EBF2: variants seen among roughly 807,000 people sequenced by gnomAD.
The protein encoded by EBF2 is EBF transcription factor 2.
EBF2 carries 21 observed loss-of-function variants against 72.8 expected under a neutral mutation model. The observed-to-expected ratio is 0.29, with a 90% confidence interval of 0.20 to 0.42. The LOEUF (loss-of-function observed/expected upper bound fraction) is 0.42, where lower values mean the gene tolerates loss of function less well. Ranked by LOEUF, EBF2 falls within the 10% of genes least tolerant of loss-of-function variation. The pLI is 1.00. For missense variants in EBF2, 637 were observed against 731.2 expected (o/e 0.87, Z 1.49); for synonymous variants, 299 against 274.2 (o/e 1.09, Z -0.89).
chr8:25,871,328 C>A (rs568467246), intron 10 of EBF2, among the ~76,000 whole-genome samples: 1 of 152,298 alleles, frequency 6.6e-6, no homozygotes, highest in African/African-American at 2.4e-5. Flanking sequence ...TACAACCTTG[C>A]CTACCACATG....
intron 7 of EBF2, among the ~76,000 whole-genome samples, chr8:25,894,537 C>T (rs180829201): frequency 2.8e-4 from 43 of 152,288 alleles, no homozygotes; most frequent in Admixed American, 1.3e-3. Flanking sequence ...TCCTGAAACA[C>T]CTCACTCCAT....
At chr8:25,945,869 A>G (rs1803760952) in intron 6 of EBF2, among the ~76,000 whole-genome samples, 2 of 151,988 alleles carry the variant, frequency 1.3e-5, no homozygotes, top group Admixed American at 6.6e-5. Context: ...ACCTATTGAA[A>G]CGGTCTTTCA....
intron 2 of EBF2, 43 bp downstream of exon 2, chr8:26,042,052 G>A (rs774589574): frequency 2.5e-6 from 4 of 1,601,424 alleles, no homozygotes; most frequent in Non-Finnish European, 3.4e-6. Flanking sequence ...TTCGCAAGAG[G>A]GAGTTATTAG....
At chr8:26,039,255 T>TG (rs11400252) in intron 5 of EBF2, among the ~76,000 whole-genome samples, 5,477 of 149,358 alleles carry the variant, frequency 0.037, 312 homozygotes, top group African/African-American at 0.12. Flanking sequence ...AAAAAAAGGG[T>TG]GGGGGGGGAA....
chr8:25,948,291 C>A (rs1359781134), intron 6 of EBF2, among the ~76,000 whole-genome samples: 4 of 152,236 alleles, frequency 2.6e-5, no homozygotes, highest in Non-Finnish European at 5.9e-5. Flanking sequence ...AATGAAAACT[C>A]TAACTTGTTA....
intron 6 of EBF2, among the ~76,000 whole-genome samples, chr8:25,962,698 G>C (rs1804054142): frequency 6.6e-6 from 1 of 152,120 alleles, no homozygotes; most frequent in African/African-American, 2.4e-5. Flanking sequence ...CCATAGTTGT[G>C]GTGTGAACAC....
intron 6 of EBF2, among the ~76,000 whole-genome samples, chr8:25,921,686 C>G (rs1803307516): frequency 6.6e-6 from 1 of 152,158 alleles, no homozygotes; most frequent in Non-Finnish European, 1.5e-5. Flanking sequence ...TTTCTTTATT[C>G]TCTGTAACCC....
At chr8:26,028,245 GTTGT>G (rs1358650819) in intron 6 of EBF2, among the ~76,000 whole-genome samples, 6 of 152,276 alleles carry the variant, frequency 3.9e-5, no homozygotes, top group African/African-American at 1.4e-4. Flanking sequence ...AGGTCATTGT[GTTGT>G]TTGTTTGGTT....
At chr8:25,910,499 A>C (rs1217181218) in intron 6 of EBF2, among the ~76,000 whole-genome samples, 1 of 151,962 alleles carries the variant, frequency 6.6e-6, no homozygotes, top group Admixed American at 6.6e-5. Flanking sequence ...GTGTTAGACT[A>C]CCCCCACTCC....
chr8:25,952,938 T>C (rs1156683714), intron 6 of EBF2, among the ~76,000 whole-genome samples: 1 of 152,228 alleles, frequency 6.6e-6, no homozygotes, highest in Non-Finnish European at 1.5e-5. Flanking sequence ...AGATATTTCT[T>C]GTACTTCTTT....
intron 7 of EBF2, among the ~76,000 whole-genome samples, chr8:25,903,048 G>C (rs1171149643): frequency 6.6e-6 from 1 of 152,134 alleles, no homozygotes; most frequent in Admixed American, 6.5e-5. Context: ...ACCCATTTTA[G>C]TAGGTGTATG....
At chr8:25,904,752 T>G (rs1203769739) in intron 7 of EBF2, among the ~76,000 whole-genome samples, 2 of 152,206 alleles carry the variant, frequency 1.3e-5, no homozygotes, top group Non-Finnish European at 2.9e-5. Flanking sequence ...GTTTCTTACT[T>G]GACTATGATA....
intron 6 of EBF2, among the ~76,000 whole-genome samples, chr8:25,920,374 T>A (rs148382981): frequency 6.6e-6 from 1 of 152,330 alleles, no homozygotes; most frequent in Non-Finnish European, 1.5e-5. Flanking sequence ...CGCCACTTCC[T>A]CCATAAAGCA....
intron 13 of EBF2, 29 bp from the exon 14 acceptor site, chr8:25,858,533 A>C: frequency 6.2e-7 from 1 of 1,603,104 alleles, no homozygotes; most frequent in Non-Finnish European, 8.5e-7. Context: ...GCCCAGGTAA[A>C]TCAACAGGCG....
At chr8:25,998,473 C>A (rs1804672135) in intron 6 of EBF2, among the ~76,000 whole-genome samples, 1 of 152,188 alleles carries the variant, frequency 6.6e-6, no homozygotes, top group Admixed American at 6.5e-5. Context: ...GAAGCAAGTG[C>A]ATTTTCGGTG....
chr8:25,859,743 A>G (rs1257705913), intron 13 of EBF2, among the ~76,000 whole-genome samples: 2 of 145,060 alleles, frequency 1.4e-5, no homozygotes, highest in African/African-American at 5.2e-5. Context: ...TTGAGACAAG[A>G]TCTCACTCTG....
At chr8:25,919,741 G>C (rs1021568902) in intron 6 of EBF2, among the ~76,000 whole-genome samples, 1 of 152,166 alleles carries the variant, frequency 6.6e-6, no homozygotes, top group Non-Finnish European at 1.5e-5. Flanking sequence ...AGATGCCAGG[G>C]GTACTGTTTC....
At chr8:26,007,916 A>G (rs1804909850) in intron 6 of EBF2, among the ~76,000 whole-genome samples, 1 of 152,146 alleles carries the variant, frequency 6.6e-6, no homozygotes, top group Non-Finnish European at 1.5e-5. Context: ...AAAAAAAATA[A>G]TAATTTTATC....
At chr8:26,005,273 ATAT>A (rs1266442557) in intron 6 of EBF2, among the ~76,000 whole-genome samples, 1 of 700 alleles carries the variant, frequency 1.4e-3, no homozygotes, top group Admixed American at 0.071. Flanking sequence ...TATATAATAT[ATAT>A]AATTATATAA....
Sources: allele counts gnomAD v4.1 joint callset (sites outside exome capture counted in the v4.1 genomes callset), GRCh38; gene constraint gnomAD v4.1.1; transcripts MANE v1.5; gene names NCBI Gene and HGNC (gene_info 2026-07-23, HGNC 2026-07-21).